The following STOX1 variants were observed in gnomAD, a reference collection of about 807,000 sequenced individuals.
The protein encoded by STOX1 is storkhead-box protein 1.
A neutral mutation model predicts 74.8 loss-of-function variants in STOX1; 57 were observed. That is an observed-to-expected ratio of 0.76 (90% CI 0.62 to 0.95). The LOEUF (loss-of-function observed/expected upper bound fraction) is 0.95, where lower values mean the gene tolerates loss of function less well. Among genes scored for constraint, STOX1 ranks in the 40% least tolerant of loss-of-function variants. The pLI is 0.00. For synonymous variants in STOX1, 375 were observed against 401.3 expected, an observed-to-expected ratio of 0.93 and a Z score of 0.78; for missense variants, 1,010 against 1,117.0, an observed-to-expected ratio of 0.90 and a Z score of 1.37.
intron 1 of STOX1, among the ~76,000 whole-genome samples, chr10:68,850,752 G>C (rs985504376): frequency 6.6e-6 from 1 of 152,156 alleles, no homozygotes; most frequent in Non-Finnish European, 1.5e-5. Context: ...CAGGTGGATT[G>C]CATGAGCTCA....
rs781309765 is a variant in STOX1 at position 68,884,575 on chromosome 10, T to C, written c.779T>C (p.Val260Ala). The change falls in exon 3 of 4, where the codon GTT becomes GCT. Residue 260 changes from valine (V) to alanine (A), a missense_variant. Coordinates refer to ENST00000298596, the MANE Select transcript of STOX1 (RefSeq NM_152709.5). ...MHTQDVQEAP[V>A]AAEVTRKSHR... is the part of the protein sequence containing the mutation. ...ACTCAGGATGTTCAGGAAGCACCAGTTGCTGCAGAAGTGACTAGGAAGAGT... is the reference window on the plus strand; with the variant it reads ...ACTCAGGATGTTCAGGAAGCACCAGCTGCTGCAGAAGTGACTAGGAAGAGT... 5 of 1,613,838 alleles carry C rather than the reference T, an allele frequency of 3.1e-6. No homozygotes were observed. Among genetic ancestry groups the C allele is most frequent in the Admixed American group, 3.3e-5 (2 of 60,032 alleles).
intron 1 of STOX1, among the ~76,000 whole-genome samples, chr10:68,869,510 T>C (rs1840488851): frequency 6.6e-6 from 1 of 152,146 alleles, no homozygotes; most frequent in African/African-American, 2.4e-5. Flanking sequence ...TAGTTAGTCT[T>C]AAATGACAGG....
At chr10:68,838,786 T>C (rs1360706825) in intron 1 of STOX1, among the ~76,000 whole-genome samples, 1 of 152,026 alleles carries the variant, frequency 6.6e-6, no homozygotes, top group Non-Finnish European at 1.5e-5. Context: ...GGCAGGCACC[T>C]GTAGTCCTAG....
chr10:68,884,393 C>T lies in STOX1; in HGVS notation c.597C>T (p.Thr199=). 6.2e-7 allele frequency: 1 copy of T among 1,614,092 alleles called. No homozygotes were observed. The highest frequency in any genetic ancestry group is 8.5e-7 in the Non-Finnish European group (1 of 1,180,024). Residue 199 remains threonine (T), a synonymous_variant, in exon 3 of 4, where the codon ACC becomes ACT. Transcript: ENST00000298596. ...CTTACTTCATTACAAATACAACCAC[C>T]CAGGAAAATAAGAGAATGCTGCCAT... is the stretch of plus-strand genomic sequence containing the variant. The part of the protein sequence containing the change: ...PQTYFITNTT[T]QENKRMLPSD...
intron 1 of STOX1, among the ~76,000 whole-genome samples, chr10:68,868,037 G>A (rs887859062): frequency 2.0e-5 from 3 of 152,146 alleles, no homozygotes; most frequent in Non-Finnish European, 2.9e-5. Flanking sequence ...AAGAGTACTC[G>A]GGTGTCCTCC....
intron 1 of STOX1, among the ~76,000 whole-genome samples, chr10:68,844,141 C>G (rs1008369660): frequency 6.6e-6 from 1 of 151,108 alleles, no homozygotes; most frequent in Non-Finnish European, 1.5e-5. Flanking sequence ...GATCGCGCCA[C>G]TGCACTCCAG....
chr10:68,848,603 A>G (rs1288796566), intron 1 of STOX1, among the ~76,000 whole-genome samples: 1 of 152,170 alleles, frequency 6.6e-6, no homozygotes, highest in East Asian at 1.9e-4. Context: ...GAAACAATAC[A>G]TATAAAGCAC....
At chr10:68,840,937 G>A (rs976286402) in intron 1 of STOX1, among the ~76,000 whole-genome samples, 1 of 150,090 alleles carries the variant, frequency 6.7e-6, no homozygotes, top group Non-Finnish European at 1.5e-5. Context: ...ACTTGTAAAT[G>A]TTCTTGCTTT....
At chr10:68,893,153 T>C (rs944504884), downstream of STOX1, 1 of 191,938 alleles carries the variant, frequency 5.2e-6, no homozygotes, top group African/African-American at 2.4e-5. Flanking sequence ...CAGAAAACAG[T>C]GTGTGTTGAA....
chr10:68,882,500 CT>C lies in STOX1; in HGVS notation c.463+405del, dbSNP rs202110171. On this transcript the variant is annotated intron_variant, in intron 2 of 3. Coordinates refer to ENST00000298596, the MANE Select transcript of STOX1 (RefSeq NM_152709.5). ...AAATTTTTCATAACATAAATTGGATCTTTTTTTTTTTTTTTGAGACAGAATC... is the reference window on the plus strand; with the variant it reads ...AAATTTTTCATAACATAAATTGGATCTTTTTTTTTTTTTTGAGACAGAATC... 5.6e-3 allele frequency among the ~76,000 whole-genome samples: 793 copies of C among 141,318 alleles called. 2 individuals are homozygous for C. The highest frequency in any genetic ancestry group is 0.012 in the African/African-American group (460 of 38,698). 92.7% of individuals were successfully genotyped at this position (141,318 alleles called of 152,430 possible). A position where few individuals can be genotyped will look rare whatever the true frequency, so the allele number is the denominator to read the frequency against.
At chr10:68,877,708 T>A (rs1256773317) in intron 1 of STOX1, among the ~76,000 whole-genome samples, 8 of 152,198 alleles carry the variant, frequency 5.3e-5, no homozygotes, top group Non-Finnish European at 2.9e-5. Context: ...GGACACCAGA[T>A]GACATGCTGA....
At chr10:68,828,843 A>G (rs2133476862) in intron 1 of STOX1, 2 of 374,304 alleles carry the variant, frequency 5.3e-6, no homozygotes, top group South Asian at 2.2e-4. Context: ...TTAGCTGAAT[A>G]GACAGGATTC....
At position 68,827,541 on chromosome 10, in the gene STOX1, G is replaced by A; in HGVS notation, c.-83G>A. On this transcript the variant is annotated 5_prime_UTR_variant, in exon 1 of 4. Transcript: ENST00000298596. The stretch of plus-strand genomic sequence containing the variant: ...GCCGCGGACCCGCGCGCAGTCGGCC[G>A]ATCCTCCCGCCGAGCGAGCGGCGTC... The A allele has an allele frequency of 1.1e-6, 1 of 952,092 alleles. No homozygotes were observed. The highest frequency in any genetic ancestry group is 6.6e-5 in the East Asian group (1 of 15,062). 59.0% of individuals were successfully genotyped at this position (952,092 alleles called of 1,614,324 possible).
In STOX1 at chr10:68,885,870, G is replaced by A. The variant is rs1002132024; in HGVS notation, c.2074G>A (p.Glu692Lys). The A allele has an allele frequency of 6.2e-7, 1 of 1,614,108 alleles. No homozygotes were observed. The highest frequency in any genetic ancestry group is 1.7e-5 in the Admixed American group (1 of 60,016). Residue 692 changes from glutamate to lysine, a missense_variant, in exon 3 of 4, where the codon GAA (glutamate) becomes AAA (lysine). By Grantham distance (56) the Glu-to-Lys change is moderately conservative (BLOSUM62 1). Transcript: ENST00000298596. ...RQAARQDKDS[E>K]ELLRKGFVQD... is the part of the protein sequence containing the mutation. ...AGCTGCAAGACAAGACAAAGACTCA[G>A]AAGAATTATTGAGAAAAGGATTTGT...
intron 1 of STOX1, among the ~76,000 whole-genome samples, chr10:68,840,550 T>TTTTATTTATTTATTTA (rs59043042): frequency 5.3e-5 from 8 of 151,190 alleles, no homozygotes; most frequent in African/African-American, 1.9e-4. Flanking sequence ...GGTTATTTTG[T>TTTTATTTATTTATTTA]TTTATTTATT....
chr10:68,828,352 C>A (rs12241123), intron 1 of STOX1: 7 of 1,014,188 alleles, frequency 6.9e-6, no homozygotes, highest in Non-Finnish European at 8.5e-6. Flanking sequence ...AGCGCGGCCC[C>A]GTCTTCTGCC....
At chr10:68,837,591 G>A (rs1839586830) in intron 1 of STOX1, among the ~76,000 whole-genome samples, 1 of 152,352 alleles carries the variant, frequency 6.6e-6, no homozygotes, top group African/African-American at 2.4e-5. Context: ...TTCATCAATG[G>A]TTGTCTGGAA....
intron 1 of STOX1, among the ~76,000 whole-genome samples, chr10:68,865,334 C>G (rs767892835): frequency 6.6e-6 from 1 of 151,896 alleles, no homozygotes; most frequent in South Asian, 2.1e-4. Context: ...AAGAAACAGT[C>G]TTTTAAATCT....
At chr10:68,848,907 C>T (rs1364767894) in intron 1 of STOX1, among the ~76,000 whole-genome samples, 1 of 152,092 alleles carries the variant, frequency 6.6e-6, no homozygotes, top group Non-Finnish European at 1.5e-5. Flanking sequence ...TGGGCTCAAG[C>T]AATCCTGTTG....
Sources: allele counts gnomAD v4.1 joint callset (sites outside exome capture counted in the v4.1 genomes callset), GRCh38; gene constraint gnomAD v4.1.1; transcripts MANE v1.5; gene names NCBI Gene and HGNC (gene_info 2026-07-23, HGNC 2026-07-21).